Variants in ATP5MC2 observed in about 807,000 individuals in gnomAD.
The protein encoded by ATP5MC2 is ATP synthase F(0) complex subunit C2, mitochondrial.
In ATP5MC2, 11 loss-of-function variants were observed where a neutral mutation model predicts 13.5. The observed-to-expected ratio is 0.81, with a 90% CI of 0.51 to 1.35. The LOEUF (loss-of-function observed/expected upper bound fraction) is 1.35, where lower values mean the gene tolerates loss of function less well. ATP5MC2 is among the 40% of genes most tolerant of loss of function. The probability of loss-of-function intolerance (pLI) is 0.00; values close to 1 mark genes in which losing one functional copy is unlikely to be tolerated. For missense variants in ATP5MC2, 132 were observed against 175.0 expected, an observed-to-expected ratio of 0.75 and a Z score of 1.39; for synonymous variants, 64 against 69.7, an observed-to-expected ratio of 0.92 and a Z score of 0.41.
Position 53,669,138 on chromosome 12 carries a change from C to T in ATP5MC2, c.311+10G>A, listed in dbSNP as rs760972169. ...ATCAGATAACCAGTGGAGGGTCCAA[C>T]TTATCTTACCTGGCATAACCAATGA... On this transcript the variant is annotated intron_variant, in intron 4 of 4. Transcript: ENST00000394349. 1.3e-6 allele frequency: 2 copies of T among 1,599,128 alleles called. No individual in the cohort carries two copies. Among genetic ancestry groups the T allele is most frequent in the South Asian group, 1.1e-5 (1 of 89,236 alleles).
upstream of ATP5MC2, among the ~76,000 whole-genome samples, chr12:53,680,737 T>C (rs1945335979): frequency 6.6e-6 from 1 of 152,146 alleles, no homozygotes; most frequent in Non-Finnish European, 1.5e-5. Context: ...ATACAAGTAA[T>C]GTATATCCAT....
At chr12:53,673,319 A>G (rs190183896) in intron 1 of ATP5MC2, 1 of 141,740 alleles carries the variant, frequency 7.1e-6, no homozygotes, top group Non-Finnish European at 1.5e-5. Context: ...ACCCCATCTC[A>G]AAACAAACAA....
rs1231194292 is a variant in ATP5MC2, at chr12:53,667,119, T to G, written c.312-1691A>C. The stretch of plus-strand genomic sequence containing the variant: ...TCGACACCAACATTTAACAGAATAG[T>G]GAATAAAGCAGCAGTCAGACTTCTT... On this transcript the variant is annotated intron_variant, in intron 4 of 4. Transcript: ENST00000394349. Among the ~76,000 whole-genome samples, 7 of 152,228 alleles carry G rather than the reference T, an allele frequency of 4.6e-5. No homozygotes were observed. The East Asian group carries it at 1.2e-3, about 25-fold the overall frequency.
chr12:53,680,613 T>A (rs1409204940), upstream of ATP5MC2, among the ~76,000 whole-genome samples: 1 of 152,028 alleles, frequency 6.6e-6, no homozygotes, highest in East Asian at 1.9e-4. Flanking sequence ...GGAGATTGCA[T>A]GAGCCCAGGA....
In ATP5MC2 at chr12:53,669,081, C is replaced by T. The variant is rs1020515605; in HGVS notation, c.311+67G>A. Reference sequence around the variant, plus strand: ...CAGTGTGGGATAGTATAGTTCTAGACCCCCAAATATTTTCTGACCTTTGGA... The same window carrying T: ...CAGTGTGGGATAGTATAGTTCTAGATCCCCAAATATTTTCTGACCTTTGGA... On this transcript the variant is annotated intron_variant, in intron 4 of 4. Transcript: ENST00000394349. 4.5e-5 allele frequency: 69 copies of T among 1,534,300 alleles called. No individual in the cohort carries two copies. In the African/African-American group the frequency reaches 9.2e-4, roughly 21 times the overall value.
chr12:53,671,343 T>C (rs1424143911), intron 2 of ATP5MC2, among the ~76,000 whole-genome samples: 2 of 152,250 alleles, frequency 1.3e-5, no homozygotes, highest in Admixed American at 1.3e-4. Context: ...AGATTATGTA[T>C]ACCAATTAGT....
upstream of ATP5MC2, among the ~76,000 whole-genome samples, chr12:53,678,725 C>T (rs1052635540): frequency 1.3e-5 from 2 of 152,096 alleles, no homozygotes; most frequent in Non-Finnish European, 2.9e-5. Flanking sequence ...AGCTGAGGGT[C>T]GGAGGATCTT....
intron 4 of ATP5MC2, among the ~76,000 whole-genome samples, 173 bp downstream of exon 4, chr12:53,668,975 G>A (rs761162303): frequency 1.2e-4 from 19 of 152,112 alleles, no homozygotes; most frequent in Non-Finnish European, 2.1e-4. Context: ...CTGAGATTGC[G>A]CCACTGCACT....
At chr12:53,671,304 T>A (rs1593051521) in intron 2 of ATP5MC2, among the ~76,000 whole-genome samples, 1 of 152,244 alleles carries the variant, frequency 6.6e-6, no homozygotes, top group African/African-American at 2.4e-5. Context: ...CAAAATATCA[T>A]CTCTTGGGGT....
chr12:53,680,909 A>AT (rs1465277103), upstream of ATP5MC2, among the ~76,000 whole-genome samples: 9 of 151,996 alleles, frequency 5.9e-5, no homozygotes, highest in South Asian at 1.2e-3. Context: ...CCACGCCCTA[A>AT]TTATTTTTGT....
chr12:53,672,084 A>C (rs1236675533), intron 2 of ATP5MC2, among the ~76,000 whole-genome samples: 1 of 76,914 alleles, frequency 1.3e-5, no homozygotes, highest in Admixed American at 1.3e-4. Context: ...ACTCTGTCTC[A>C]AAAAAAAAAA....
intron 4 of ATP5MC2, among the ~76,000 whole-genome samples, chr12:53,668,863 A>G (rs546526754): frequency 3.9e-5 from 6 of 152,090 alleles, no homozygotes; most frequent in African/African-American, 1.4e-4. Flanking sequence ...TACTAAAACC[A>G]CAAAAATTAG....
upstream of ATP5MC2, chr12:53,676,630 T>G: frequency 5.3e-6 from 1 of 188,256 alleles, no homozygotes; most frequent in Non-Finnish European, 1.1e-5. Flanking sequence ...TCCTTTCCAT[T>G]CCGGTGATAA....
At chr12:53,679,955 C>T (rs1945332717), upstream of ATP5MC2, among the ~76,000 whole-genome samples, 1 of 152,108 alleles carries the variant, frequency 6.6e-6, no homozygotes, top group East Asian at 1.9e-4. Flanking sequence ...TGGGGAAGAA[C>T]TTCACCTTCC....
intron 2 of ATP5MC2, among the ~76,000 whole-genome samples, chr12:53,671,314 T>C (rs1038560322): frequency 1.3e-5 from 2 of 152,196 alleles, no homozygotes; most frequent in African/African-American, 4.8e-5. Context: ...TCTCTTGGGG[T>C]TGATTTGAAG....
intron 4 of ATP5MC2, among the ~76,000 whole-genome samples, chr12:53,666,088 A>C (rs1016463216): frequency 6.6e-6 from 1 of 152,034 alleles, no homozygotes; most frequent in African/African-American, 2.4e-5. Flanking sequence ...CAGGCGGATC[A>C]CTTGAAGCCA....
At chr12:53,678,606 G>A (rs113577676), upstream of ATP5MC2, among the ~76,000 whole-genome samples, 1,741 of 152,264 alleles carry the variant, frequency 0.011, 27 homozygotes, top group African/African-American at 0.04. Flanking sequence ...CTATTACTAC[G>A]AGGCTTGAAG....
At chr12:53,677,715 G>A (rs1207751267), upstream of ATP5MC2, among the ~76,000 whole-genome samples, 1 of 152,172 alleles carries the variant, frequency 6.6e-6, no homozygotes, top group Non-Finnish European at 1.5e-5. Flanking sequence ...ATTGCGCCCC[G>A]AGCGGGCAGG....
At chr12:53,667,997 A>ATTTTTTTT (rs59042234) in intron 4 of ATP5MC2, among the ~76,000 whole-genome samples, 1 of 126,838 alleles carries the variant, frequency 7.9e-6, no homozygotes, top group African/African-American at 3.0e-5. Context: ...ATATATATAA[A>ATTTTTTTT]TTTTTTTTTT....
Sources: allele counts gnomAD v4.1 joint callset (sites outside exome capture counted in the v4.1 genomes callset), GRCh38; gene constraint gnomAD v4.1.1; transcripts MANE v1.5; gene names NCBI Gene and HGNC (gene_info 2026-07-23, HGNC 2026-07-21).